The following ACTR3C variants were observed in gnomAD, a reference collection of about 807,000 sequenced individuals.
The protein encoded by ACTR3C is actin-related protein 3C.
ACTR3C carries 18 observed loss-of-function variants against 26.3 expected under a neutral mutation model. The ratio of observed to expected loss-of-function variants is 0.68; its 90% CI spans 0.47 to 1.01. The LOEUF (loss-of-function observed/expected upper bound fraction) is 1.01. Ranked by LOEUF, ACTR3C falls within the 50% of genes least tolerant of loss-of-function variation. ACTR3C has a pLI of 0.00. For synonymous variants in ACTR3C, 55 were observed against 94.5 expected (o/e 0.58, Z 2.42); for missense variants, 184 against 250.7 (o/e 0.73, Z 1.80).
At chr7:150,040,096 G>C in the ACTR3C span, among the ~76,000 whole-genome samples, 1 of 145,516 alleles carries the variant, frequency 6.9e-6, no homozygotes, top group East Asian at 2.0e-4. Flanking sequence ...CAAGAGCCAG[G>C]GGGGAAGAGG....
intron 1 of ACTR3C, among the ~76,000 whole-genome samples, chr7:150,307,726 G>A (rs1795913676): frequency 6.6e-6 from 1 of 152,106 alleles, no homozygotes; most frequent in African/African-American, 2.4e-5. Context: ...ACTTGGTTCG[G>A]GGGACCTCCC....
the ACTR3C span, among the ~76,000 whole-genome samples, chr7:150,226,123 T>A: frequency 6.6e-6 from 1 of 152,220 alleles, no homozygotes; most frequent in East Asian, 1.9e-4. Context: ...TTACTTCTAG[T>A]TTTTAGTGGT....
At chr7:150,090,987 C>G in the ACTR3C span, among the ~76,000 whole-genome samples, 1 of 152,014 alleles carries the variant, frequency 6.6e-6, no homozygotes, top group Admixed American at 6.6e-5. Flanking sequence ...CAAAGGGCAC[C>G]ATCCTTTCCC....
chr7:150,145,292 G>A, the ACTR3C span, among the ~76,000 whole-genome samples: 3 of 152,224 alleles, frequency 2.0e-5, no homozygotes, highest in East Asian at 3.9e-4. Flanking sequence ...AGAGGCTTGC[G>A]CTGTAGGTCC....
the ACTR3C span, among the ~76,000 whole-genome samples, chr7:150,146,589 T>C: frequency 0.22 from 33,980 of 152,100 alleles, 4,075 homozygotes; most frequent in East Asian, 0.47. Context: ...CCACATTTCT[T>C]GGCCTCCTTT....
At chr7:150,039,949 G>T in the ACTR3C span, among the ~76,000 whole-genome samples, 11 of 138,302 alleles carry the variant, frequency 8.0e-5, no homozygotes, top group Admixed American at 2.2e-4. Context: ...GGAGGAAAGG[G>T]GGAGGTTCGC....
At chr7:149,944,956 T>A in the ACTR3C span, among the ~76,000 whole-genome samples, 2 of 151,902 alleles carry the variant, frequency 1.3e-5, no homozygotes, top group Admixed American at 1.3e-4. Flanking sequence ...ATGTGTCGTG[T>A]GCCAAACTCA....
chr7:150,198,011 C>G, the ACTR3C span, among the ~76,000 whole-genome samples: 76 of 151,406 alleles, frequency 5.0e-4, 1 homozygote, highest in Middle Eastern at 3.4e-3. Context: ...TGCGCCGCCA[C>G]GCCTGACTGG....
At chr7:150,004,266 T>G in the ACTR3C span, 4 of 140,180 alleles carry the variant, frequency 2.9e-5, no homozygotes, top group South Asian at 9.6e-4. Flanking sequence ...GTGTGTGGTG[T>G]GTGTGTGTGG....
the ACTR3C span, among the ~76,000 whole-genome samples, chr7:150,085,745 A>G: frequency 6.6e-6 from 1 of 152,254 alleles, no homozygotes; most frequent in Middle Eastern, 3.4e-3. Flanking sequence ...ATTATCAAGC[A>G]GGTGCCGTGA....
At chr7:150,123,901 C>T in the ACTR3C span, among the ~76,000 whole-genome samples, 1 of 152,132 alleles carries the variant, frequency 6.6e-6, no homozygotes, top group African/African-American at 2.4e-5. Context: ...CACGGAGCCA[C>T]GTGGCAAGGC....
At chr7:150,097,935 C>A in the ACTR3C span, among the ~76,000 whole-genome samples, 2 of 151,542 alleles carry the variant, frequency 1.3e-5, no homozygotes, top group Admixed American at 6.6e-5. Flanking sequence ...CAAATTGAGA[C>A]ACATATGACA....
chr7:149,909,953 C>T, the ACTR3C span, among the ~76,000 whole-genome samples: 2 of 147,876 alleles, frequency 1.4e-5, no homozygotes, highest in Non-Finnish European at 3.0e-5. Context: ...TATATACTAA[C>T]ATATAAATTA....
At chr7:150,236,509 ATCG>A in the ACTR3C span, among the ~76,000 whole-genome samples, 1 of 152,332 alleles carries the variant, frequency 6.6e-6, no homozygotes, top group African/African-American at 2.4e-5. Context: ...CCTATGATTG[ATCG>A]TAGTATATTT....
the ACTR3C span, among the ~76,000 whole-genome samples, chr7:150,048,585 G>C: frequency 1.3e-5 from 2 of 151,928 alleles, no homozygotes; most frequent in South Asian, 4.1e-4. Context: ...AAGGGGATGC[G>C]GAGGTCGAGG....
the ACTR3C span, among the ~76,000 whole-genome samples, chr7:150,026,562 A>G: frequency 1.3e-5 from 2 of 152,038 alleles, no homozygotes; most frequent in South Asian, 4.1e-4. Context: ...AGTGAACACT[A>G]CAAATACAGT....
chr7:150,134,892 C>T, the ACTR3C span, among the ~76,000 whole-genome samples: 1 of 152,230 alleles, frequency 6.6e-6, no homozygotes, highest in Admixed American at 6.5e-5. Context: ...TAAATGAACA[C>T]CGGCCCCATC....
At chr7:150,252,243 C>G (rs1832907735) in intron 6 of ACTR3C, among the ~76,000 whole-genome samples, 1 of 148,264 alleles carries the variant, frequency 6.7e-6, no homozygotes, top group South Asian at 2.1e-4. Context: ...TTCTGAAGTT[C>G]TTACTTTCAT....
At chr7:149,968,133 G>T in the ACTR3C span, among the ~76,000 whole-genome samples, 1 of 152,268 alleles carries the variant, frequency 6.6e-6, no homozygotes, top group Non-Finnish European at 1.5e-5. Context: ...AGACCCAGCA[G>T]TAACAATCAG....
Sources: gnomAD v4.1 joint callset for allele counts (sites outside exome capture counted in the v4.1 genomes callset) on GRCh38, gnomAD v4.1.1 for gene constraint, MANE v1.5 for transcripts, NCBI Gene and HGNC (gene_info 2026-07-23, HGNC 2026-07-21) for gene names.